ABLIM2: variants seen among roughly 807,000 people sequenced by gnomAD.
ABLIM2 encodes actin-binding LIM protein 2.
ABLIM2 carries 53 observed loss-of-function variants against 97.7 expected under a neutral mutation model. The ratio of observed to expected loss-of-function variants is 0.54; its 90% CI spans 0.44 to 0.68. ABLIM2 has a LOEUF of 0.68. ABLIM2 is among the 30% of genes least tolerant of loss of function. The probability of loss-of-function intolerance (pLI) is 0.00; values close to 1 mark genes in which losing one functional copy is unlikely to be tolerated. For missense variants in ABLIM2, 835 were observed against 867.2 expected (o/e 0.96, Z 0.47); for synonymous variants, 361 against 345.8 (o/e 1.04, Z -0.49).
At chr4:7,991,628 A>T (rs1441976228) in intron 17 of ABLIM2, among the ~76,000 whole-genome samples, 2 of 152,214 alleles carry the variant, frequency 1.3e-5, no homozygotes, top group Non-Finnish European at 2.9e-5. Flanking sequence ...ATTCCCTTGG[A>T]GAAAATTCAA....
intron 20 of ABLIM2, among the ~76,000 whole-genome samples, chr4:7,980,074 G>C (rs1163353189): frequency 1.3e-5 from 2 of 152,162 alleles, no homozygotes; most frequent in Non-Finnish European, 2.9e-5. Context: ...GAGACATTCA[G>C]TCATGAGAGC....
Position 8,085,771 on chromosome 4 carries a change from C to T in ABLIM2, c.454+2398G>A, listed in dbSNP as rs901885779. ...ATTTCACAGGTGTTTAGTCTTTGTA[C>T]TCATCTGTAGCATCCTCCCCCTTCC... On this transcript the variant is annotated intron_variant, in intron 4 of 20. Transcript: ENST00000447017. The surrounding 1 kb of genome is among the most constrained non-coding windows in gnomAD (Gnocchi z 6.1). Among the ~76,000 whole-genome samples the T allele has an allele frequency of 6.6e-6, 1 of 152,242 alleles. No individual in the cohort carries two copies. Among genetic ancestry groups the T allele is most frequent in the Non-Finnish European group, 1.5e-5 (1 of 68,038 alleles).
At position 8,155,679 on chromosome 4, in the gene ABLIM2, G is replaced by A. The variant is rs559702669; in HGVS notation, c.10+3001C>T. Among the ~76,000 whole-genome samples, 54 of 152,334 alleles carry A rather than the reference G, an allele frequency of 3.5e-4. No homozygotes were observed. The highest frequency in any genetic ancestry group is 6.9e-4 in the Non-Finnish European group (47 of 68,038). On this transcript the variant is annotated intron_variant, in intron 1 of 20. Coordinates refer to ENST00000447017, the MANE Select transcript of ABLIM2 (RefSeq NM_001130083.2). The surrounding 1 kb of genome is among the most constrained non-coding windows in gnomAD (Gnocchi z 4.2). Reference sequence around the variant, plus strand: ...TTTAAGGAGACCACTAAGGTGAAACGAGGTCATGAGGGTAGGCTCTAACCA... The same window carrying A: ...TTTAAGGAGACCACTAAGGTGAAACAAGGTCATGAGGGTAGGCTCTAACCA...
intron 14 of ABLIM2, among the ~76,000 whole-genome samples, chr4:8,012,912 C>T (rs115560792): frequency 0.099 from 15,034 of 152,254 alleles, 788 homozygotes; most frequent in South Asian, 0.17. Flanking sequence ...CATCTACCCT[C>T]TGTTCACCCT....
In ABLIM2 at chr4:7,970,918, G is replaced by A. The variant is rs976103502; in HGVS notation, c.1825-3815C>T. ...CAGGACTTGGGGCCAGGGGTCTAGGGGGCTGACAGGGACCACCTCCCCGCA... is the reference window on the plus strand; with the variant it reads ...CAGGACTTGGGGCCAGGGGTCTAGGAGGCTGACAGGGACCACCTCCCCGCA... On this transcript the variant is annotated intron_variant, in intron 20 of 20. Transcript: ENST00000447017. This position sits in a 1 kb window ranked among gnomAD's most constrained non-coding sequence, Gnocchi z 5.3. 1.3e-5 allele frequency among the ~76,000 whole-genome samples: 2 copies of A among 152,022 alleles called. No homozygotes were observed. Among genetic ancestry groups the A allele is most frequent in the East Asian group, 3.9e-4 (2 of 5,170 alleles).
rs113868240 is a variant in ABLIM2 at position 8,082,097 on chromosome 4, C to T, written c.455-1295G>A. On this transcript the variant is annotated intron_variant, in intron 4 of 20. Coordinates refer to ENST00000447017, the MANE Select transcript of ABLIM2 (RefSeq NM_001130083.2). This position sits in a 1 kb window ranked among gnomAD's most constrained non-coding sequence, Gnocchi z 5.6. ...ATGACAAGGGAAGGGCCTCGGACCC[C>T]GTAATGGACAGGGAGGAAGAGGGTG... is the stretch of plus-strand genomic sequence containing the variant. Among the ~76,000 whole-genome samples, 25 of 152,226 alleles carry T rather than the reference C, an allele frequency of 1.6e-4. No homozygotes were observed. The highest frequency in any genetic ancestry group is 4.8e-4 in the African/African-American group (20 of 41,554).
rs1812746770 is a variant in ABLIM2 at position 8,072,284 on chromosome 4, G to C, written c.675+5344C>G. On this transcript the variant is annotated intron_variant, in intron 6 of 20. Coordinates refer to ENST00000447017, the MANE Select transcript of ABLIM2 (RefSeq NM_001130083.2). The surrounding 1 kb of genome is among the most constrained non-coding windows in gnomAD (Gnocchi z 5.8). Reference sequence around the variant, plus strand: ...AAATATCAGGGATGCTTACATTGCAGACATGGGACGCTTGCCTCCCAATCC... The same window carrying C: ...AAATATCAGGGATGCTTACATTGCACACATGGGACGCTTGCCTCCCAATCC... 6.6e-6 allele frequency among the ~76,000 whole-genome samples: 1 copy of C among 152,090 alleles called. No individual in the cohort carries two copies. Among genetic ancestry groups the C allele is most frequent in the Non-Finnish European group, 1.5e-5 (1 of 68,028 alleles).
chr4:8,072,024 T>A lies in ABLIM2; in HGVS notation c.675+5604A>T. On this transcript the variant is annotated intron_variant, in intron 6 of 20. Transcript: ENST00000447017. This position sits in a 1 kb window ranked among gnomAD's most constrained non-coding sequence, Gnocchi z 5.8. ...TTGTCCCCGCCCGCAGTTCCCACCT[T>A]GCACCCGGGGAGGATGCTCAGAGCT... The A allele has an allele frequency of 1.0e-6, 1 of 985,420 alleles. No individual in the cohort carries two copies. The highest frequency in any genetic ancestry group is 1.2e-6 in the Non-Finnish European group (1 of 829,962). The allele number at this position is 985,420 out of a possible 1,614,324, so 61.0% of individuals were successfully genotyped here. A position where few individuals can be genotyped will look rare whatever the true frequency, so the allele number is the denominator to read the frequency against.
At chr4:8,141,163 C>T (rs990326108) in intron 1 of ABLIM2, among the ~76,000 whole-genome samples, 4 of 152,254 alleles carry the variant, frequency 2.6e-5, no homozygotes, top group South Asian at 2.1e-4. Context: ...TGTCTCTTCC[C>T]GGCCATGTGA....
intron 9 of ABLIM2, among the ~76,000 whole-genome samples, chr4:8,038,157 G>A (rs112066305): frequency 5.7e-4 from 86 of 152,152 alleles, no homozygotes; most frequent in African/African-American, 1.9e-3. Flanking sequence ...TCATCTGCTC[G>A]CAAAACACAA....
chr4:8,084,106 G>A (rs1318592353), intron 4 of ABLIM2, among the ~76,000 whole-genome samples: 2 of 152,288 alleles, frequency 1.3e-5, no homozygotes, highest in East Asian at 1.9e-4. Flanking sequence ...GACTCTGACC[G>A]AGCTCCAAAA....
chr4:8,037,985 C>T (rs1488121205), intron 9 of ABLIM2, among the ~76,000 whole-genome samples: 4 of 152,214 alleles, frequency 2.6e-5, no homozygotes. Flanking sequence ...CCTGCCTGTC[C>T]CCTTCTCCCT....
chr4:8,066,922 G>A (rs968851807), intron 6 of ABLIM2: 1 of 152,062 alleles, frequency 6.6e-6, no homozygotes, highest in African/African-American at 2.4e-5. Context: ...ACTTTTTAAA[G>A]AAGAGCTGAT....
Position 8,149,146 on chromosome 4 carries a change from T to C in ABLIM2, c.10+9534A>G, listed in dbSNP as rs767795775. On this transcript the variant is annotated intron_variant, in intron 1 of 20. Transcript: ENST00000447017. This position sits in a 1 kb window ranked among gnomAD's most constrained non-coding sequence, Gnocchi z 6.4. ...TTCTAGGGGCACCCGAGTTTCTTGG[T>C]GTGGGGCCCCTCCCTTCATCCTCAG... 2.2e-4 allele frequency among the ~76,000 whole-genome samples: 33 copies of C among 152,270 alleles called. No individual in the cohort carries two copies. Among genetic ancestry groups the C allele is most frequent in the Admixed American group, 1.0e-3 (16 of 15,298 alleles).
At chr4:8,138,954 T>TG (rs1470072934) in intron 1 of ABLIM2, among the ~76,000 whole-genome samples, 1 of 152,256 alleles carries the variant, frequency 6.6e-6, no homozygotes, top group Non-Finnish European at 1.5e-5. Context: ...CCCAGCACTT[T>TG]GGGAGGCCTA....
At chr4:7,976,528 G>T (rs56357517) in intron 20 of ABLIM2, among the ~76,000 whole-genome samples, 1 of 152,002 alleles carries the variant, frequency 6.6e-6, no homozygotes, top group East Asian at 1.9e-4. Flanking sequence ...GGGCCTATCC[G>T]GGCTCAGGTC....
In ABLIM2 at chr4:8,033,138, C is replaced by A. The variant is rs956741843; in HGVS notation, c.1047+3011G>T. ...TTGGAGACGGCTCTGCCGTGGGGGTCCTGGGGCCCTAGACAGCAGGCTGAC... is the reference window on the plus strand; with the variant it reads ...TTGGAGACGGCTCTGCCGTGGGGGTACTGGGGCCCTAGACAGCAGGCTGAC... On this transcript the variant is annotated intron_variant, in intron 10 of 20. Transcript: ENST00000447017. The surrounding 1 kb of genome is among the most constrained non-coding windows in gnomAD (Gnocchi z 4.5). 3.2e-4 allele frequency among the ~76,000 whole-genome samples: 49 copies of A among 152,168 alleles called. No individual in the cohort carries two copies. The highest frequency in any genetic ancestry group is 6.3e-4 in the Non-Finnish European group (43 of 68,024).
At chr4:7,978,729 G>A (rs1194715929) in intron 20 of ABLIM2, among the ~76,000 whole-genome samples, 1 of 152,146 alleles carries the variant, frequency 6.6e-6, no homozygotes, top group East Asian at 1.9e-4. Context: ...ATTTTACAAA[G>A]GTCAGTAGTA....
At chr4:8,152,727 T>C (rs563455980) in intron 1 of ABLIM2, among the ~76,000 whole-genome samples, 1 of 152,332 alleles carries the variant, frequency 6.6e-6, no homozygotes, top group Non-Finnish European at 1.5e-5. Context: ...CTAGGAGCTA[T>C]CCCAGGACAT....
Sources: gnomAD v4.1 joint callset for allele counts (sites outside exome capture counted in the v4.1 genomes callset) on GRCh38, gnomAD v4.1.1 for gene constraint, Gnocchi (gnomAD v3.1) non-coding constraint, MANE v1.5 for transcripts, NCBI Gene and HGNC (gene_info 2026-07-23, HGNC 2026-07-21) for gene names.